The following CUL9 variants were observed in gnomAD, a reference collection of about 807,000 sequenced individuals.
CUL9 encodes cullin-9.
Under a neutral mutation model 272.6 loss-of-function variants are expected in CUL9, and 79 were observed. That is an observed-to-expected ratio of 0.29 (90% CI 0.24 to 0.35). The LOEUF is 0.35. Among genes scored for constraint, CUL9 ranks in the 10% least tolerant of loss-of-function variants. The pLI, the probability that CUL9 is intolerant of heterozygous loss-of-function variation, is 1.00. For synonymous variants in CUL9, 1,186 were observed against 1,286.5 expected (o/e 0.92, Z 1.67); for missense variants, 2,532 against 3,255.6 (o/e 0.78, Z 5.41).
Position 43,202,699 on chromosome 6 carries a change from C to T in CUL9, c.3648-17C>T, listed in dbSNP as rs957037508. The T allele has an allele frequency of 6.2e-7, 1 of 1,611,880 alleles. No homozygotes were observed. Among genetic ancestry groups the T allele is most frequent in the Non-Finnish European group, 8.5e-7 (1 of 1,178,158 alleles). ...TCCAGAGGCCCAGCTTTGACTGTTT[C>T]CTTTCTTCTTTCCCAGGCAGCTCAC... is the stretch of plus-strand genomic sequence containing the variant. On this transcript the variant is annotated splice_polypyrimidine_tract_variant and intron_variant, in intron 16 of 40. Coordinates refer to ENST00000252050, the MANE Select transcript of CUL9 (RefSeq NM_015089.4).
chr6:43,201,722 G>A (rs1008539812), intron 16 of CUL9, among the ~76,000 whole-genome samples: 17 of 152,176 alleles, frequency 1.1e-4, no homozygotes, highest in South Asian at 2.1e-4. Context: ...CTCGTGATCC[G>A]CCCGCCTTGG....
chr6:43,197,673 A>G (rs1028213902), intron 11 of CUL9, among the ~76,000 whole-genome samples: 6 of 151,918 alleles, frequency 3.9e-5, no homozygotes, highest in Admixed American at 6.6e-5. Flanking sequence ...TAGTAGAGAC[A>G]GGGTTTCACC....
In CUL9 at chr6:43,187,807, C is replaced by G. The variant is rs537714187; in HGVS notation, c.1676C>G (p.Thr559Ser). The change falls in exon 7 of 41, where the codon ACT becomes AGT. Residue 559 changes from threonine to serine, a missense_variant. Thr to Ser is a moderately conservative substitution (Grantham distance 58, BLOSUM62 1). Around this residue, in one of 3 missense-constraint regions of CUL9, gnomAD observed 2,218 missense variants for 2,788.6 expected, o/e 0.80. Transcript: ENST00000252050. ...CTCAGTAGTCGATTTGAGGGCAGCACTCTCAATGACCTGCTCAACTCCCAG... is the reference window on the plus strand; with the variant it reads ...CTCAGTAGTCGATTTGAGGGCAGCAGTCTCAATGACCTGCTCAACTCCCAG... ...QVLSSRFEGSTLNDLLNSQIY... is the reference protein window; with the variant it reads ...QVLSSRFEGSSLNDLLNSQIY... The G allele has an allele frequency of 1.9e-6, 3 of 1,557,186 alleles. No homozygotes were observed. Among genetic ancestry groups the G allele is most frequent in the African/African-American group, 1.6e-5 (1 of 61,230 alleles).
chr6:43,222,983 C>A lies in CUL9; in HGVS notation c.7150+87C>A, dbSNP rs1776497022. On this transcript the variant is annotated intron_variant, in intron 38 of 40. Transcript: ENST00000252050. The stretch of plus-strand genomic sequence containing the variant: ...CCCCTCCCAGACAGGTCAAGCGGCA[C>A]CCTTACCTTCCCTCTCTCCTCTTCC... The A allele has an allele frequency of 8.4e-6, 9 of 1,066,438 alleles. No homozygotes were observed. The South Asian group carries it at 1.2e-4, about 15-fold the overall frequency. The allele number at this position is 1,066,438 out of a possible 1,614,324, so 66.1% of individuals were successfully genotyped here.
At chr6:43,214,053 TAGAC>T in intron 29 of CUL9, 141 bp downstream of exon 29, 1 of 795,228 alleles carries the variant, frequency 1.3e-6, no homozygotes, top group South Asian at 1.7e-5. Flanking sequence ...ACAGAGCAGA[TAGAC>T]AGCAGATAAA....
chr6:43,214,993 A>C, intron 29 of CUL9, 86 bp from the exon 30 acceptor site: 2 of 1,449,066 alleles, frequency 1.4e-6, no homozygotes, highest in Non-Finnish European at 9.3e-7. Flanking sequence ...AAAGGGGGGG[A>C]AAAATAAGTG....
At chr6:43,216,788 G>A (rs1425458212) in intron 31 of CUL9, among the ~76,000 whole-genome samples, 1 of 152,226 alleles carries the variant, frequency 6.6e-6, no homozygotes, top group East Asian at 1.9e-4. Context: ...TTAATGCCCA[G>A]ACGATACCTC....
chr6:43,216,199 C>T lies in CUL9; in HGVS notation c.5978C>T (p.Ala1993Val), dbSNP rs368678285. ...VATLASLQLP[A>V]GRTMSPQEVE... ...ACCCTGGCATCTCTACAGCTGCCTG[C>T]AGGCCGCACCATGAGCCCCCAGGAA... The change falls in exon 31 of 41, where the codon GCA (alanine) becomes GTA (valine). Residue 1993 changes from alanine (A) to valine (V), a missense_variant. By Grantham distance (64) the Ala-to-Val change is moderately conservative (BLOSUM62 0). This residue lies in a region of CUL9 where 2,218 missense variants were observed against 2,788.6 expected (regional missense o/e 0.80). Transcript: ENST00000252050. 2.0e-5 allele frequency: 32 copies of T among 1,613,036 alleles called. No individual in the cohort carries two copies. The highest frequency in any genetic ancestry group is 2.5e-5 in the Non-Finnish European group (30 of 1,179,142).
rs58462971 is a variant in CUL9 at position 43,213,423 on chromosome 6, G to A, written c.5359-15G>A. 55 of 1,613,700 alleles carry A rather than the reference G, an allele frequency of 3.4e-5. No individual in the cohort carries two copies. The highest frequency in any genetic ancestry group is 2.9e-4 in the East Asian group (13 of 44,868). On this transcript the variant is annotated splice_polypyrimidine_tract_variant and intron_variant, in intron 27 of 40. Coordinates refer to ENST00000252050, the MANE Select transcript of CUL9 (RefSeq NM_015089.4). This position sits in a 1 kb window ranked among gnomAD's most constrained non-coding sequence, Gnocchi z 5.7. ...TCTTTCCTTTGACTCCTGACTGGGCGTTTCTGCTCATCAGGAGGTGTCAGT... is the reference window on the plus strand; with the variant it reads ...TCTTTCCTTTGACTCCTGACTGGGCATTTCTGCTCATCAGGAGGTGTCAGT...
Position 43,213,387 on chromosome 6 carries a change from C to T in CUL9, c.5359-51C>T. 2 of 1,611,824 alleles carry T rather than the reference C, an allele frequency of 1.2e-6. No homozygotes were observed. Among genetic ancestry groups the T allele is most frequent in the Non-Finnish European group, 1.7e-6 (2 of 1,178,352 alleles). ...CCTGTTCCTCCTTCATCCTTACTCC[C>T]CTCTTCCTTTTCTTTCCTTTGACTC... is the stretch of plus-strand genomic sequence containing the variant. On this transcript the variant is annotated intron_variant, in intron 27 of 40. Transcript: ENST00000252050. This position sits in a 1 kb window ranked among gnomAD's most constrained non-coding sequence, Gnocchi z 5.7.
chr6:43,209,147 CT>C (rs59098026), intron 26 of CUL9, among the ~76,000 whole-genome samples: 397 of 130,906 alleles, frequency 3.0e-3, no homozygotes, highest in Middle Eastern at 9.9e-3. Flanking sequence ...TTCTTTCTTT[CT>C]TTTTTTTTTT....
Position 43,199,799 on chromosome 6 carries a change from T to C in CUL9, c.3157-130T>C. 1.4e-6 allele frequency: 1 copy of C among 738,176 alleles called. No homozygotes were observed. Among genetic ancestry groups the C allele is most frequent in the Non-Finnish European group, 2.3e-6 (1 of 434,420 alleles). The allele number at this position is 738,176 out of a possible 1,614,324, so 45.7% of individuals were successfully genotyped here. A position where few individuals can be genotyped will look rare whatever the true frequency, so the allele number is the denominator to read the frequency against. The stretch of plus-strand genomic sequence containing the variant: ...TTACTCCACCCTGAATTTGGTACTC[T>C]TGTTTCCCTGGGCGTTGGCATGTCT... On this transcript the variant is annotated intron_variant, in intron 13 of 40. Transcript: ENST00000252050. The surrounding 1 kb of genome is among the most constrained non-coding windows in gnomAD (Gnocchi z 4.4).
At position 43,204,456 on chromosome 6, in the gene CUL9, C is replaced by T. The variant is rs759919983; in HGVS notation, c.4256C>T (p.Ala1419Val). 1.3e-4 allele frequency: 212 copies of T among 1,614,050 alleles called. No homozygotes were observed. Among genetic ancestry groups the T allele is most frequent in the Non-Finnish European group, 1.7e-4 (205 of 1,180,032 alleles). ...CCCTTGAGTCGAGCAGCGTCCTTTG[C>T]TTCTCGAGTTCGTCGCCTTTGCCAC... ...RNPLSRAASF[A>V]SRVRRLCHLL... Residue 1419 changes from alanine to valine, a missense_variant, in exon 21 of 41, where the codon GCT becomes GTT. Physicochemically the swap from Ala to Val is moderately conservative, Grantham distance 64. Coordinates refer to ENST00000252050, the MANE Select transcript of CUL9 (RefSeq NM_015089.4).
chr6:43,187,279 G>T lies in CUL9; in HGVS notation c.1421G>T (p.Gly474Val). The change falls in exon 6 of 41, where the codon GGG becomes GTG. Residue 474 changes from glycine (G) to valine (V), a missense_variant. Coordinates refer to ENST00000252050, the MANE Select transcript of CUL9 (RefSeq NM_015089.4). ...TCCTGGGACTGGAATCCTATGGATG[G>T]GCTGTACCCTTTGCCGTACCTCCAG... ...FPSWDWNPMD[G>V]LYPLPYLQPE... The T allele has an allele frequency of 6.2e-7, 1 of 1,613,962 alleles. No individual in the cohort carries two copies.
chr6:43,198,038 T>A (rs1457296324), intron 11 of CUL9, among the ~76,000 whole-genome samples: 1 of 151,884 alleles, frequency 6.6e-6, no homozygotes, highest in Non-Finnish European at 1.5e-5. Flanking sequence ...GTCAGCAGTT[T>A]GAGACCAGCC....
intron 26 of CUL9, among the ~76,000 whole-genome samples, chr6:43,210,768 T>A (rs982841778): frequency 6.6e-6 from 1 of 152,046 alleles, no homozygotes; most frequent in Admixed American, 6.6e-5. Flanking sequence ...TGAATTAATT[T>A]ATTATTAATT....
intron 26 of CUL9, among the ~76,000 whole-genome samples, chr6:43,208,998 C>T (rs747343198): frequency 1.4e-4 from 22 of 152,040 alleles, no homozygotes; most frequent in Middle Eastern, 3.4e-3. Flanking sequence ...GTGTGCACCA[C>T]CACTCCCAGC....
At chr6:43,194,937 C>G (rs1008562962) in intron 9 of CUL9, among the ~76,000 whole-genome samples, 9 of 152,042 alleles carry the variant, frequency 5.9e-5, no homozygotes, top group Non-Finnish European at 4.4e-5. Context: ...TGCTTGTAAT[C>G]CCAGCTACTT....
rs570427966 is a variant in CUL9 at position 43,221,427 on chromosome 6, G to A, written c.6752+106G>A. On this transcript the variant is annotated intron_variant, in intron 34 of 40. Coordinates refer to ENST00000252050, the MANE Select transcript of CUL9 (RefSeq NM_015089.4). This position sits in a 1 kb window ranked among gnomAD's most constrained non-coding sequence, Gnocchi z 4.2. ...GTGTAAAGCTCAGCAAAAGAGGGTG[G>A]TTCCTCAGCCGCCCCTCACGTGGCA... 2.9e-4 allele frequency: 397 copies of A among 1,353,014 alleles called. 1 individual carries two copies. In the African/African-American group the frequency reaches 5.1e-3, roughly 17 times the overall value. The allele number at this position is 1,353,014 out of a possible 1,614,324, so 83.8% of individuals were successfully genotyped here. A position where few individuals can be genotyped will look rare whatever the true frequency, so the allele number is the denominator to read the frequency against.
Sources: gnomAD v4.1 joint callset for allele counts (sites outside exome capture counted in the v4.1 genomes callset) on GRCh38, gnomAD v4.1.1 for gene constraint, gnomAD v4.1.1 regional missense constraint, Gnocchi (gnomAD v3.1) non-coding constraint, MANE v1.5 for transcripts, NCBI Gene and HGNC (gene_info 2026-07-23, HGNC 2026-07-21) for gene names.